Variants in LARGE1 observed in about 807,000 individuals in gnomAD.
LARGE1 encodes the protein LARGE xylosyl- and glucuronyltransferase 1.
In LARGE1, 43 loss-of-function variants were observed where a neutral mutation model predicts 87.6. The ratio of observed to expected loss-of-function variants is 0.49; its 90% CI spans 0.38 to 0.63. The LOEUF (loss-of-function observed/expected upper bound fraction) is 0.63. Ranked by LOEUF, LARGE1 falls within the 30% of genes least tolerant of loss-of-function variation. The probability of loss-of-function intolerance (pLI) is 0.00; values close to 1 mark genes in which losing one functional copy is unlikely to be tolerated. For missense variants in LARGE1, 802 were observed against 1,000.2 expected, an observed-to-expected ratio of 0.80 and a Z score of 2.67; for synonymous variants, 434 against 394.6, an observed-to-expected ratio of 1.10 and a Z score of -1.18.
At chr22:33,897,027 T>G (rs1445043140) in intron 1 of LARGE1, among the ~76,000 whole-genome samples, 3 of 152,174 alleles carry the variant, frequency 2.0e-5, no homozygotes, top group African/African-American at 7.2e-5. Flanking sequence ...GTCTCTCACT[T>G]CCTGGATTTC....
At chr22:33,797,011 G>A (rs1343018734) in intron 1 of LARGE1, among the ~76,000 whole-genome samples, 1 of 152,078 alleles carries the variant, frequency 6.6e-6, no homozygotes, top group Non-Finnish European at 1.5e-5. Flanking sequence ...TGATCCGCCT[G>A]CCTCAGCCTC....
At chr22:33,350,507 A>G (rs1454418880) in intron 9 of LARGE1, among the ~76,000 whole-genome samples, 1 of 152,078 alleles carries the variant, frequency 6.6e-6, no homozygotes, top group East Asian at 1.9e-4. Flanking sequence ...AGCAGATCCC[A>G]CCTCTAGAGG....
At chr22:33,515,884 C>T (rs2071280226) in intron 6 of LARGE1, among the ~76,000 whole-genome samples, 1 of 152,148 alleles carries the variant, frequency 6.6e-6, no homozygotes, top group South Asian at 2.1e-4. Flanking sequence ...GGCTTGCCTT[C>T]CCCAGTTAGC....
At chr22:33,666,057 C>T (rs1170402057) in intron 2 of LARGE1, among the ~76,000 whole-genome samples, 2 of 152,122 alleles carry the variant, frequency 1.3e-5, no homozygotes, top group Non-Finnish European at 2.9e-5. Flanking sequence ...ATATCTCTTT[C>T]CAGGAAATAA....
chr22:33,209,422 A>G (rs1168722206), intron 11 of LARGE1, among the ~76,000 whole-genome samples: 1 of 152,220 alleles, frequency 6.6e-6, no homozygotes, highest in South Asian at 2.1e-4. Context: ...TATGTTTGTT[A>G]GATACCTTTC....
chr22:33,126,460 T>A, the LARGE1 span, among the ~76,000 whole-genome samples: 1 of 152,228 alleles, frequency 6.6e-6, no homozygotes, highest in African/African-American at 2.4e-5. Flanking sequence ...AAATTTTGTA[T>A]CGTGCATTGC....
At chr22:33,078,338 G>A in the LARGE1 span, among the ~76,000 whole-genome samples, 1 of 152,186 alleles carries the variant, frequency 6.6e-6, no homozygotes. Context: ...CATCTTTAGC[G>A]AGAAATGTAC....
intron 2 of LARGE1, among the ~76,000 whole-genome samples, chr22:33,744,946 T>C (rs1381969186): frequency 6.6e-6 from 1 of 152,166 alleles, no homozygotes; most frequent in Non-Finnish European, 1.5e-5. Flanking sequence ...GTGATGCTAG[T>C]GCCTCCCTGG....
At chr22:33,874,174 G>A (rs2064392472) in intron 1 of LARGE1, among the ~76,000 whole-genome samples, 1 of 152,150 alleles carries the variant, frequency 6.6e-6, no homozygotes, top group Non-Finnish European at 1.5e-5. Flanking sequence ...GGTCCTTTGT[G>A]ACAGCCTGAC....
intron 11 of LARGE1, among the ~76,000 whole-genome samples, chr22:33,261,746 C>T (rs1271650652): frequency 1.3e-5 from 2 of 152,126 alleles, no homozygotes; most frequent in East Asian, 3.8e-4. Flanking sequence ...ACAATGACTG[C>T]TCTGCTAATG....
At chr22:33,575,093 C>G (rs929923086) in intron 5 of LARGE1, among the ~76,000 whole-genome samples, 2 of 152,038 alleles carry the variant, frequency 1.3e-5, no homozygotes, top group Non-Finnish European at 2.9e-5. Flanking sequence ...CCTAGAAATC[C>G]GTATTTTAAA....
chr22:33,236,942 C>A (rs755266816), intron 11 of LARGE1, among the ~76,000 whole-genome samples: 1 of 152,210 alleles, frequency 6.6e-6, no homozygotes, highest in Non-Finnish European at 1.5e-5. Flanking sequence ...ACCATTGAAT[C>A]GCTGGCATCT....
upstream of LARGE1, chr22:33,922,791 G>C (rs746638517): frequency 2.6e-5 from 4 of 152,234 alleles, no homozygotes; most frequent in Non-Finnish European, 4.4e-5. Context: ...AGGCTGCTCA[G>C]TTCTTCCTCT....
intron 11 of LARGE1, among the ~76,000 whole-genome samples, chr22:33,253,260 AATCAT>A (rs1281716353): frequency 6.6e-6 from 1 of 152,240 alleles, no homozygotes; most frequent in Non-Finnish European, 1.5e-5. Context: ...GAACAATTAT[AATCAT>A]ATCATAAGGG....
chr22:33,126,065 T>C, the LARGE1 span, among the ~76,000 whole-genome samples: 1 of 152,208 alleles, frequency 6.6e-6, no homozygotes, highest in Non-Finnish European at 1.5e-5. Flanking sequence ...GGATTATTTC[T>C]ATAACCTTGA....
chr22:33,463,732 G>C (rs1392557444), intron 6 of LARGE1, among the ~76,000 whole-genome samples: 1 of 152,146 alleles, frequency 6.6e-6, no homozygotes, highest in African/African-American at 2.4e-5. Flanking sequence ...GAGTGCCGTG[G>C]CGCAACCTCG....
Position 33,247,338 on chromosome 22 carries a change from A to G in LARGE1, c.1730+56891T>C, listed in dbSNP as rs572573971. Among the ~76,000 whole-genome samples the G allele has an allele frequency of 1.9e-3, 294 of 152,340 alleles. 2 individuals carry two copies. The highest frequency in any genetic ancestry group is 6.9e-3 in the African/African-American group (285 of 41,570). The stretch of plus-strand genomic sequence containing the variant: ...ATCATTTCAGAGCTAAAGGAGTATA[A>G]TTTATAATATTCAGGACACAATATT... On this transcript the variant is annotated intron_variant, in intron 11 of 11. Coordinates refer to the LARGE1 transcript ENST00000608642.
At chr22:33,583,853 T>G (rs953517422) in intron 5 of LARGE1, among the ~76,000 whole-genome samples, 3 of 152,200 alleles carry the variant, frequency 2.0e-5, no homozygotes, top group African/African-American at 7.2e-5. Flanking sequence ...GGAAGCTCCC[T>G]TAGCACTTTC....
At chr22:33,565,575 T>C (rs749245128) in intron 5 of LARGE1, among the ~76,000 whole-genome samples, 1 of 152,136 alleles carries the variant, frequency 6.6e-6, no homozygotes, top group Non-Finnish European at 1.5e-5. Context: ...GAGGACCTAG[T>C]CATCACGCGA....
Sources: gnomAD v4.1 joint callset for allele counts (sites outside exome capture counted in the v4.1 genomes callset) on GRCh38, gnomAD v4.1.1 for gene constraint, MANE v1.5 for transcripts, NCBI Gene and HGNC (gene_info 2026-07-23, HGNC 2026-07-21) for gene names.